The following ZNF362 variants were observed in gnomAD, a reference collection of about 807,000 sequenced individuals.
ZNF362 encodes rotund homolog.
In ZNF362, 11 loss-of-function variants were observed where a neutral mutation model predicts 42.9. The ratio of observed to expected loss-of-function variants is 0.26; its 90% CI spans 0.16 to 0.42. The LOEUF (loss-of-function observed/expected upper bound fraction) is 0.42, where lower values mean the gene tolerates loss of function less well. Ranked by LOEUF, ZNF362 falls within the 20% of genes least tolerant of loss-of-function variation. The pLI is 1.00. For missense variants in ZNF362, 362 were observed against 576.2 expected (o/e 0.63, Z 3.81); for synonymous variants, 255 against 257.3 (o/e 0.99, Z 0.09).
the ZNF362 span, among the ~76,000 whole-genome samples, chr1:33,200,693 G>A: frequency 6.6e-6 from 1 of 152,092 alleles, no homozygotes; most frequent in Non-Finnish European, 1.5e-5. Context: ...ATTTCACAAA[G>A]AAAAGGGGGT....
At chr1:33,265,350 G>C (rs1645858109) in intron 1 of ZNF362, among the ~76,000 whole-genome samples, 1 of 151,914 alleles carries the variant, frequency 6.6e-6, no homozygotes, top group Non-Finnish European at 1.5e-5. Context: ...GTGAGGGGAA[G>C]GGGCAGGCTC....
the ZNF362 span, among the ~76,000 whole-genome samples, chr1:33,251,184 T>G: frequency 6.6e-5 from 10 of 152,320 alleles, no homozygotes; most frequent in South Asian, 2.1e-3. Flanking sequence ...ATGTCCCAGA[T>G]GAGTCCAGGG....
the ZNF362 span, among the ~76,000 whole-genome samples, chr1:33,206,460 A>G: frequency 2.0e-5 from 3 of 152,202 alleles, no homozygotes; most frequent in Non-Finnish European, 4.4e-5. Context: ...ATAGCTAAGC[A>G]TGGTGATATG....
At chr1:33,236,550 A>AAAAAAATATATATATAT in the ZNF362 span, among the ~76,000 whole-genome samples, 11 of 5,980 alleles carry the variant, frequency 1.8e-3, 1 homozygote, top group East Asian at 0.017. Context: ...AAAAAAAAAA[A>AAAAAAATATATATATAT]ATATATATAT....
chr1:33,220,650 G>A, the ZNF362 span, among the ~76,000 whole-genome samples: 1 of 152,114 alleles, frequency 6.6e-6, no homozygotes, highest in Non-Finnish European at 1.5e-5. Context: ...CAGCATCGCA[G>A]GCCTGGGTTC....
chr1:33,147,813 G>A, the ZNF362 span: 1 of 1,489,762 alleles, frequency 6.7e-7, no homozygotes, highest in African/African-American at 1.4e-5. The surrounding 1 kb of genome is among the most constrained non-coding windows in gnomAD (Gnocchi z 8.1). Context: ...GCAGAGTTCT[G>A]GTTGGTACGC....
chr1:33,150,969 CCAGCAACA>C, the ZNF362 span, among the ~76,000 whole-genome samples: 1 of 152,102 alleles, frequency 6.6e-6, no homozygotes, highest in East Asian at 1.9e-4. Context: ...TGATTTGAGA[CCAGCAACA>C]GGCAGCAACC....
the ZNF362 span, among the ~76,000 whole-genome samples, chr1:33,183,803 A>G: frequency 6.6e-6 from 1 of 152,254 alleles, no homozygotes; most frequent in African/African-American, 2.4e-5. Context: ...CAGCAAATAC[A>G]GAAGGGAGGG....
chr1:33,150,234 T>C, the ZNF362 span, among the ~76,000 whole-genome samples: 2 of 152,214 alleles, frequency 1.3e-5, no homozygotes, highest in Non-Finnish European at 2.9e-5. Context: ...GACATCCAGC[T>C]CTCTGGCTCT....
chr1:33,237,583 C>T, the ZNF362 span, among the ~76,000 whole-genome samples: 1 of 152,180 alleles, frequency 6.6e-6, no homozygotes. Flanking sequence ...TTATTGCGTG[C>T]TTATGTGGAC....
At chr1:33,270,685 TC>T in intron 2 of ZNF362, 73 bp downstream of exon 2, 1 of 1,579,836 alleles carries the variant, frequency 6.3e-7, no homozygotes, top group African/African-American at 1.3e-5. Flanking sequence ...AGCATTGTGT[TC>T]GTCCCACCTT....
chr1:33,199,321 AG>A, the ZNF362 span, among the ~76,000 whole-genome samples: 1 of 18,388 alleles, frequency 5.4e-5, no homozygotes, highest in South Asian at 5.5e-3. Flanking sequence ...GAATGACAGT[AG>A]ATTTTTTTTT....
the ZNF362 span, among the ~76,000 whole-genome samples, chr1:33,235,310 C>T: frequency 1.3e-5 from 2 of 152,118 alleles, no homozygotes; most frequent in African/African-American, 4.8e-5. Flanking sequence ...CCCCCAGGCA[C>T]TCCTGGCCAG....
At chr1:33,188,992 C>T in the ZNF362 span, among the ~76,000 whole-genome samples, 1 of 152,210 alleles carries the variant, frequency 6.6e-6, no homozygotes, top group Non-Finnish European at 1.5e-5. Flanking sequence ...TCACGAGTCC[C>T]TGAGCAATCA....
At chr1:33,270,224 G>A (rs188616982) in intron 1 of ZNF362, among the ~76,000 whole-genome samples, 4 of 152,220 alleles carry the variant, frequency 2.6e-5, no homozygotes, top group Admixed American at 6.5e-5. Context: ...GAGGACACCC[G>A]GGAAAATATA....
At position 33,294,961 on chromosome 1, in the gene ZNF362, C is replaced by T. The variant is rs145804009; in HGVS notation, c.933C>T (p.Tyr311=). 2.0e-4 allele frequency: 328 copies of T among 1,614,146 alleles called. No homozygotes were observed. In the African/African-American group the frequency reaches 3.9e-3, roughly 19 times the overall value. ...GAATCCACACAGGCGACAGACCCTA[C>T]AAGTGCCCACATCCTGGCTGCGAGA... ...HTRIHTGDRP[Y]KCPHPGCEKA... is the part of the protein sequence containing the mutation. The change falls in exon 7 of 9, where the codon TAC becomes TAT. Residue 311 remains tyrosine (Y), a synonymous_variant. Transcript: ENST00000539719. The surrounding 1 kb of genome is among the most constrained non-coding windows in gnomAD (Gnocchi z 4.2).
chr1:33,246,094 A>G, the ZNF362 span, among the ~76,000 whole-genome samples: 1 of 152,138 alleles, frequency 6.6e-6, no homozygotes, highest in Admixed American at 6.5e-5. Flanking sequence ...GATGTCTTCT[A>G]TTTGGACTTT....
the ZNF362 span, among the ~76,000 whole-genome samples, chr1:33,190,222 G>T: frequency 6.6e-6 from 1 of 152,086 alleles, no homozygotes; most frequent in East Asian, 1.9e-4. Flanking sequence ...CAATACCCTT[G>T]CTAGTCACCC....
At chr1:33,183,238 C>T in the ZNF362 span, among the ~76,000 whole-genome samples, 4 of 152,124 alleles carry the variant, frequency 2.6e-5, no homozygotes, top group Non-Finnish European at 5.9e-5. Context: ...GGAAATGAGC[C>T]ATAGAGGGTG....
Sources: allele counts gnomAD v4.1 joint callset (sites outside exome capture counted in the v4.1 genomes callset), GRCh38; gene constraint gnomAD v4.1.1; non-coding constraint Gnocchi (gnomAD v3.1); transcripts MANE v1.5; gene names NCBI Gene and HGNC (gene_info 2026-07-23, HGNC 2026-07-21).